Variants in BAZ2B observed in about 807,000 individuals in gnomAD.
The protein encoded by BAZ2B is bromodomain adjacent to zinc finger domain protein 2B.
In BAZ2B, 91 loss-of-function variants were observed where a neutral mutation model predicts 246.0. The ratio of observed to expected loss-of-function variants is 0.37; its 90% CI spans 0.31 to 0.44. The LOEUF (loss-of-function observed/expected upper bound fraction) is 0.44. BAZ2B is among the 20% of genes least tolerant of loss of function. BAZ2B has a pLI of 1.00. For synonymous variants in BAZ2B, 855 were observed against 860.0 expected, an observed-to-expected ratio of 0.99 and a Z score of 0.10; for missense variants, 2,332 against 2,533.7, an observed-to-expected ratio of 0.92 and a Z score of 1.71.
intron 2 of BAZ2B, among the ~76,000 whole-genome samples, chr2:159,523,947 T>A (rs919847732): frequency 2.0e-5 from 3 of 152,282 alleles, no homozygotes; most frequent in Admixed American, 6.5e-5. Context: ...CTAAGTCTCA[T>A]TCATATGGAC....
At chr2:159,510,925 T>G (rs190809195) in intron 2 of BAZ2B, among the ~76,000 whole-genome samples, 6 of 152,324 alleles carry the variant, frequency 3.9e-5, no homozygotes, top group African/African-American at 1.4e-4. Flanking sequence ...TTTTAATTAC[T>G]GTAACACATT....
At chr2:159,440,761 G>A (rs763690923) in intron 6 of BAZ2B, among the ~76,000 whole-genome samples, 2 of 151,868 alleles carry the variant, frequency 1.3e-5, no homozygotes, top group Non-Finnish European at 2.9e-5. Context: ...CACCCGCCTC[G>A]GCCTCCCAAA....
At chr2:159,479,790 G>A (rs190276553) in intron 2 of BAZ2B, among the ~76,000 whole-genome samples, 2 of 152,178 alleles carry the variant, frequency 1.3e-5, no homozygotes, top group Admixed American at 1.3e-4. Context: ...TATGGGGAAG[G>A]TAATCTTAAA....
intron 1 of BAZ2B, among the ~76,000 whole-genome samples, chr2:159,557,256 C>G (rs148565742): frequency 6.8e-6 from 1 of 147,320 alleles, no homozygotes; most frequent in Non-Finnish European, 1.5e-5. Context: ...GGGGTCTCAC[C>G]ATGTTGCCCA....
rs17604990 is a variant in BAZ2B, at chr2:159,333,763, G to T, written c.5797-1077C>A. On this transcript the variant is annotated intron_variant, in intron 33 of 36. Transcript: ENST00000392783. ...TCTTAGTCTGGGAAAGTCTAAAATG[G>T]TCTTCTTATAACTTAGTATGTATAC... Among the ~76,000 whole-genome samples, 406 of 152,142 alleles carry T rather than the reference G, an allele frequency of 2.7e-3. 5 individuals carry two copies. In the East Asian group the frequency reaches 0.054, roughly 20 times the overall value.
At chr2:159,473,624 G>C (rs2078119798) in intron 3 of BAZ2B, among the ~76,000 whole-genome samples, 1 of 152,026 alleles carries the variant, frequency 6.6e-6, no homozygotes, top group Non-Finnish European at 1.5e-5. Context: ...GTTTGCTCTT[G>C]CTTCTCTAGT....
chr2:159,574,905 G>C (rs1276158156), intron 1 of BAZ2B, among the ~76,000 whole-genome samples: 1 of 151,972 alleles, frequency 6.6e-6, no homozygotes, highest in East Asian at 1.9e-4. Context: ...AGGAGGCGGA[G>C]GCTGCAGTGA....
At chr2:159,623,635 T>C in the BAZ2B span, among the ~76,000 whole-genome samples, 1 of 152,168 alleles carries the variant, frequency 6.6e-6, no homozygotes, top group Non-Finnish European at 1.5e-5. Context: ...CCTCTTCTTT[T>C]TGGAGTACAA....
the BAZ2B span, among the ~76,000 whole-genome samples, chr2:159,650,533 G>C: frequency 6.6e-6 from 1 of 152,140 alleles, no homozygotes; most frequent in Non-Finnish European, 1.5e-5. Flanking sequence ...ATTCCTGTGA[G>C]AACTGCGTAC....
the BAZ2B span, among the ~76,000 whole-genome samples, chr2:159,705,392 T>G: frequency 6.6e-6 from 1 of 152,308 alleles, no homozygotes; most frequent in East Asian, 1.9e-4. Flanking sequence ...ATGAGAAAGA[T>G]TCAAAAGATA....
intron 31 of BAZ2B, among the ~76,000 whole-genome samples, chr2:159,346,453 C>T (rs1021047172): frequency 3.9e-5 from 6 of 152,094 alleles, no homozygotes; most frequent in Admixed American, 2.6e-4. Flanking sequence ...GCCTGTAATC[C>T]CAGTATTTTG....
chr2:159,703,237 G>A, the BAZ2B span, among the ~76,000 whole-genome samples: 4 of 140,528 alleles, frequency 2.8e-5, no homozygotes, highest in African/African-American at 7.5e-5. Context: ...ATAGGCTCCT[G>A]CCACCACACC....
chr2:159,652,384 T>G, the BAZ2B span, among the ~76,000 whole-genome samples: 3 of 151,976 alleles, frequency 2.0e-5, no homozygotes, highest in Admixed American at 6.6e-5. Context: ...TAATTTTGTA[T>G]TTTTTAATAG....
the BAZ2B span, among the ~76,000 whole-genome samples, chr2:159,688,106 C>T: frequency 6.6e-6 from 1 of 152,116 alleles, no homozygotes; most frequent in Admixed American, 6.5e-5. Context: ...AGTGTGAGAT[C>T]CTAGTTCATT....
intron 2 of BAZ2B, among the ~76,000 whole-genome samples, chr2:159,484,025 C>T (rs976607519): frequency 1.3e-5 from 2 of 152,134 alleles, no homozygotes; most frequent in African/African-American, 4.8e-5. Flanking sequence ...ACACCATCTC[C>T]CCCACCAGGG....
At chr2:159,413,695 C>T (rs923241947) in intron 13 of BAZ2B, among the ~76,000 whole-genome samples, 1 of 151,196 alleles carries the variant, frequency 6.6e-6, no homozygotes, top group Non-Finnish European at 1.5e-5. Context: ...AGGATAAGAG[C>T]GAGACTTCAT....
At chr2:159,349,314 G>C (rs889254836) in intron 28 of BAZ2B, 34 bp from the exon 29 acceptor site, 1 of 1,540,554 alleles carries the variant, frequency 6.5e-7, no homozygotes, top group Admixed American at 2.0e-5. Flanking sequence ...ATGAAAAGTA[G>C]ATTACTCTAA....
At chr2:159,494,454 G>T (rs1197148979) in intron 2 of BAZ2B, among the ~76,000 whole-genome samples, 1 of 151,966 alleles carries the variant, frequency 6.6e-6, no homozygotes, top group South Asian at 2.1e-4. Context: ...ATACATATAA[G>T]TACATTTATA....
At chr2:159,438,870 CT>C in intron 7 of BAZ2B, 138 bp downstream of exon 7, 1 of 1,226,050 alleles carries the variant, frequency 8.2e-7, no homozygotes, top group Non-Finnish European at 1.1e-6. Context: ...AAAAACATTT[CT>C]TCATCTTCTT....
Sources: allele counts gnomAD v4.1 joint callset (sites outside exome capture counted in the v4.1 genomes callset), GRCh38; gene constraint gnomAD v4.1.1; transcripts MANE v1.5; gene names NCBI Gene and HGNC (gene_info 2026-07-23, HGNC 2026-07-21).